USP31: variants seen among roughly 807,000 people sequenced by gnomAD.
USP31 encodes the protein ubiquitin specific peptidase 31, also known as ubiquitin carboxyl-terminal hydrolase 31.
A neutral mutation model predicts 119.4 loss-of-function variants in USP31; 44 were observed. That is an observed-to-expected ratio of 0.37 (90% CI 0.29 to 0.47). USP31 has a LOEUF of 0.47. USP31 is among the 20% of genes least tolerant of loss of function. The pLI, the probability that USP31 is intolerant of heterozygous loss-of-function variation, is 0.99. For missense variants in USP31, 1,643 were observed against 1,730.2 expected (o/e 0.95, Z 0.89); for synonymous variants, 749 against 705.6 (o/e 1.06, Z -0.97).
At chr16:23,100,171 C>G (rs1901789405) in intron 6 of USP31, among the ~76,000 whole-genome samples, 1 of 152,114 alleles carries the variant, frequency 6.6e-6, no homozygotes, top group African/African-American at 2.4e-5. Context: ...AGTTCTATTC[C>G]CAGGTATGAA....
rs1410453667 is a variant in USP31, at chr16:23,067,146, T to G, written c.*900A>C. ...TTCACCCAGTTTAGAATCTAGAAGT[T>G]TTTTCCAGGAATCTGTCAAAGGTGT... On this transcript the variant is annotated 3_prime_UTR_variant, in exon 16 of 16. Transcript: ENST00000219689. 6.6e-6 allele frequency: 1 copy of G among 152,624 alleles called. No homozygotes were observed. Among genetic ancestry groups the G allele is most frequent in the Non-Finnish European group, 1.5e-5 (1 of 68,046 alleles). The allele number at this position is 152,624 out of a possible 1,614,324, so 9.5% of individuals were successfully genotyped here. A position where few individuals can be genotyped will look rare whatever the true frequency, so the allele number is the denominator to read the frequency against.
chr16:23,114,880 C>G (rs1902442187), intron 1 of USP31, among the ~76,000 whole-genome samples: 1 of 152,114 alleles, frequency 6.6e-6, no homozygotes, highest in South Asian at 2.1e-4. Context: ...CTCTTTTTAC[C>G]CCTCACAATG....
At position 23,105,519 on chromosome 16, in the gene USP31, A is replaced by G; in HGVS notation, c.1011T>C (p.Gly337=). The change falls in exon 5 of 16, where the codon GGT becomes GGC. Residue 337 remains glycine, a synonymous_variant. Transcript: ENST00000219689. ...QGKCSHCMRI[G]VAVPLSGTVA... ...CAGTCCCAGACAGAGGTACGGCCAC[A>G]CCAATCCTCATGCAGTGAGAACATT... The G allele has an allele frequency of 6.2e-7, 1 of 1,614,172 alleles. No homozygotes were observed. The highest frequency in any genetic ancestry group is 8.5e-7 in the Non-Finnish European group (1 of 1,180,006).
chr16:23,107,906 C>T (rs1596716738), intron 2 of USP31, 140 bp downstream of exon 2: 1 of 1,038,236 alleles, frequency 9.6e-7, no homozygotes, highest in Non-Finnish European at 1.3e-6. Context: ...ATGAAATGTC[C>T]TTTAAGTAGC....
chr16:23,100,774 A>C (rs1901817289), intron 6 of USP31, among the ~76,000 whole-genome samples: 1 of 152,152 alleles, frequency 6.6e-6, no homozygotes, highest in African/African-American at 2.4e-5. Flanking sequence ...AAGTCGAATA[A>C]TGAGTGCTTA....
rs77388316 is a variant in USP31 at position 23,085,866 on chromosome 16, C to A, written c.1623-204G>T. On this transcript the variant is annotated intron_variant, in intron 9 of 15. Coordinates refer to ENST00000219689, the MANE Select transcript of USP31 (RefSeq NM_020718.4). ...ACTACATTTCAACTAAACTGAAAAACCCTTAAATTAAAAAGCCCAATACAG... is the reference window on the plus strand; with the variant it reads ...ACTACATTTCAACTAAACTGAAAAAACCTTAAATTAAAAAGCCCAATACAG... 6.7e-4 allele frequency among the ~76,000 whole-genome samples: 102 copies of A among 152,244 alleles called. No homozygotes were observed. In the East Asian group the frequency reaches 0.019, roughly 29 times the overall value.
chr16:23,103,979 A>G (rs1195534177), intron 5 of USP31, among the ~76,000 whole-genome samples: 4 of 152,206 alleles, frequency 2.6e-5, no homozygotes, highest in Non-Finnish European at 4.4e-5. Context: ...GATGGAGAGG[A>G]GAACACTGGA....
intron 13 of USP31, among the ~76,000 whole-genome samples, chr16:23,077,231 A>G (rs1900615275): frequency 6.6e-6 from 1 of 152,224 alleles, no homozygotes; most frequent in African/African-American, 2.4e-5. Flanking sequence ...CCATCACAAG[A>G]TGCGCTCAAA....
At chr16:23,111,406 G>C (rs780938177) in intron 1 of USP31, among the ~76,000 whole-genome samples, 7 of 152,124 alleles carry the variant, frequency 4.6e-5, no homozygotes, top group Non-Finnish European at 1.0e-4. Context: ...ATGAGCAACT[G>C]GTAGTACCCT....
chr16:23,147,569 A>T (rs369604950), intron 1 of USP31, among the ~76,000 whole-genome samples: 1 of 152,136 alleles, frequency 6.6e-6, no homozygotes, highest in African/African-American at 2.4e-5. Context: ...TCGGCTCTCA[A>T]ATCTCACCCT....
At chr16:23,143,047 G>A (rs1344238945) in intron 1 of USP31, among the ~76,000 whole-genome samples, 1 of 152,086 alleles carries the variant, frequency 6.6e-6, no homozygotes, top group Non-Finnish European at 1.5e-5. Context: ...TTGCCAGGTT[G>A]TTCACCACTA....
At chr16:23,115,990 C>A (rs1172441241) in intron 1 of USP31, among the ~76,000 whole-genome samples, 2 of 152,126 alleles carry the variant, frequency 1.3e-5, no homozygotes, top group Non-Finnish European at 2.9e-5. Context: ...CACCTAACCC[C>A]AGGAAGAAGA....
intron 1 of USP31, among the ~76,000 whole-genome samples, chr16:23,118,470 A>G (rs1902567369): frequency 6.6e-6 from 1 of 152,132 alleles, no homozygotes; most frequent in East Asian, 1.9e-4. Flanking sequence ...CTTATTTTTA[A>G]TGACTATTTC....
intron 6 of USP31, among the ~76,000 whole-genome samples, chr16:23,096,232 C>A (rs866051039): frequency 5.9e-5 from 9 of 151,878 alleles, no homozygotes; most frequent in Admixed American, 1.3e-4. Context: ...CAACAAAGAT[C>A]AAAAGAGAAA....
At chr16:23,145,035 T>C (rs1451907128) in intron 1 of USP31, among the ~76,000 whole-genome samples, 2 of 152,172 alleles carry the variant, frequency 1.3e-5, no homozygotes, top group Non-Finnish European at 2.9e-5. Context: ...CCAGGCTTCC[T>C]GCACCCCCAC....
rs192314385 is a variant in USP31 at position 23,136,650 on chromosome 16, T to C, written c.633+11988A>G. Among the ~76,000 whole-genome samples, 756 of 137,684 alleles carry C rather than the reference T, an allele frequency of 5.5e-3. 4 individuals are homozygous for C. Among genetic ancestry groups the C allele is most frequent in the Middle Eastern group, 0.016 (4 of 244 alleles). The allele number at this position is 137,684 out of a possible 152,430, so 90.3% of individuals were successfully genotyped here. Reference sequence around the variant, plus strand: ...GCCTAGGCAACAAAGCAAGACTTCATCTCAAAAAAAAAAAAAAAACTTTTG... The same window carrying C: ...GCCTAGGCAACAAAGCAAGACTTCACCTCAAAAAAAAAAAAAAAACTTTTG... On this transcript the variant is annotated intron_variant, in intron 1 of 15. Coordinates refer to ENST00000219689, the MANE Select transcript of USP31 (RefSeq NM_020718.4).
At chr16:23,112,485 G>T (rs915171002) in intron 1 of USP31, among the ~76,000 whole-genome samples, 3 of 152,082 alleles carry the variant, frequency 2.0e-5, no homozygotes, top group Admixed American at 2.0e-4. Context: ...TGAGGCAGGA[G>T]AAATGCTTGA....
In USP31 at chr16:23,149,069, C is replaced by A; in HGVS notation, c.202G>T (p.Val68Phe). The A allele has an allele frequency of 7.9e-7, 1 of 1,267,460 alleles. No homozygotes were observed. Among genetic ancestry groups the A allele is most frequent in the South Asian group, 1.9e-5 (1 of 52,158 alleles). 78.5% of individuals were successfully genotyped at this position (1,267,460 alleles called of 1,614,324 possible). The change falls in exon 1 of 16, where the codon GTT (valine) becomes TTT (phenylalanine). Residue 68 changes from valine to phenylalanine, a missense_variant. Val to Phe is a conservative substitution (Grantham distance 50). Transcript: ENST00000219689. ...ARSVGSFMSR[V>F]LKTLSTLSHL... ...GAGAGCGTGGACAGCGTCTTGAGAA[C>A]GCGGCTCATGAAGCTGCCCACCGAG... is the stretch of plus-strand genomic sequence containing the variant.
intron 15 of USP31, among the ~76,000 whole-genome samples, chr16:23,069,866 T>C (rs890181639): frequency 6.6e-6 from 1 of 152,222 alleles, no homozygotes; most frequent in Admixed American, 6.5e-5. Flanking sequence ...TTCGCCTCCT[T>C]GCCCTACATC....
Sources: allele counts gnomAD v4.1 joint callset (sites outside exome capture counted in the v4.1 genomes callset), GRCh38; gene constraint gnomAD v4.1.1; transcripts MANE v1.5; gene names NCBI Gene and HGNC (gene_info 2026-07-23, HGNC 2026-07-21).